Variants in NT5C3A observed in about 807,000 individuals in gnomAD.
NT5C3A encodes cytosolic 5'-nucleotidase 3A.
Under a neutral mutation model 40.0 loss-of-function variants are expected in NT5C3A, and 23 were observed. The ratio of observed to expected loss-of-function variants is 0.58; its 90% CI spans 0.41 to 0.81. The LOEUF (loss-of-function observed/expected upper bound fraction) is 0.81, where lower values mean the gene tolerates loss of function less well. NT5C3A is among the 40% of genes least tolerant of loss of function. The probability of loss-of-function intolerance (pLI) is 0.00; values close to 1 mark genes in which losing one functional copy is unlikely to be tolerated. For synonymous variants in NT5C3A, 130 were observed against 141.4 expected (o/e 0.92, Z 0.57); for missense variants, 328 against 403.0 (o/e 0.81, Z 1.59).
rs370564340 is a variant in NT5C3A at position 33,049,894 on chromosome 7, C to T, written c.138+12674G>A. ...CTGAGGCGAGAGAATGGCGTGAACCCGGGAGATGGAGCTTGCAGTGAGCCA... is the reference window on the plus strand; with the variant it reads ...CTGAGGCGAGAGAATGGCGTGAACCTGGGAGATGGAGCTTGCAGTGAGCCA... On this transcript the variant is annotated intron_variant, in intron 1 of 8. Transcript: ENST00000610140. Among the ~76,000 whole-genome samples, 33 of 144,996 alleles carry T rather than the reference C, an allele frequency of 2.3e-4. No homozygotes were observed. The East Asian group carries it at 4.8e-3, about 21-fold the overall frequency.
At chr7:33,060,914 A>G (rs983137356) in intron 1 of NT5C3A, among the ~76,000 whole-genome samples, 1 of 152,234 alleles carries the variant, frequency 6.6e-6, no homozygotes, top group Non-Finnish European at 1.5e-5. Flanking sequence ...AGCAGGCTAC[A>G]CATATATTAC....
chr7:33,050,092 CTG>C (rs776717530), intron 1 of NT5C3A, among the ~76,000 whole-genome samples: 7 of 152,120 alleles, frequency 4.6e-5, no homozygotes, highest in Non-Finnish European at 8.8e-5. Flanking sequence ...CGAATGCTGA[CTG>C]TGCTACTTAA....
chr7:33,052,943 T>C (rs566042389), intron 1 of NT5C3A, among the ~76,000 whole-genome samples: 4 of 152,308 alleles, frequency 2.6e-5, no homozygotes, highest in South Asian at 4.1e-4. Context: ...GTACCATTGG[T>C]GTAAAACACT....
At chr7:33,021,444 T>G in intron 4 of NT5C3A, 87 bp from the exon 5 acceptor site, 1 of 1,475,476 alleles carries the variant, frequency 6.8e-7, no homozygotes, top group South Asian at 1.3e-5. Flanking sequence ...TGTAAACAAG[T>G]ATTTTCAACA....
chr7:33,041,553 G>A (rs1786912393), intron 1 of NT5C3A, among the ~76,000 whole-genome samples: 1 of 151,898 alleles, frequency 6.6e-6, no homozygotes, highest in African/African-American at 2.4e-5. Flanking sequence ...ATGCAAATGT[G>A]GTCAAAAAAC....
In NT5C3A at chr7:33,047,538, C is replaced by A. The variant is rs79833875; in HGVS notation, c.138+15030G>T. Among the ~76,000 whole-genome samples the A allele has an allele frequency of 0.01, 1,557 of 151,880 alleles. 58 individuals are homozygous for A. In the East Asian group the frequency reaches 0.14, roughly 13 times the overall value. Reference sequence around the variant, plus strand: ...ATACATTTTTAAATAGTTATGATATCCATGTGATATAATAGCATAAATACA... The same window carrying A: ...ATACATTTTTAAATAGTTATGATATACATGTGATATAATAGCATAAATACA... On this transcript the variant is annotated intron_variant, in intron 1 of 8. Coordinates refer to ENST00000610140, the MANE Select transcript of NT5C3A (RefSeq NM_001002010.5).
At chr7:33,024,550 G>C (rs1785812574) in intron 2 of NT5C3A, among the ~76,000 whole-genome samples, 1 of 152,064 alleles carries the variant, frequency 6.6e-6, no homozygotes, top group South Asian at 2.1e-4. Context: ...CAGAGGCTGG[G>C]AAGGGTGGGA....
chr7:33,038,854 A>C, intron 1 of NT5C3A: 1 of 456,600 alleles, frequency 2.2e-6, no homozygotes, highest in South Asian at 1.5e-5. Flanking sequence ...GCTTCAAGAG[A>C]AGAGTTGCTG....
intron 1 of NT5C3A, among the ~76,000 whole-genome samples, chr7:33,048,157 T>C (rs1315185112): frequency 6.7e-6 from 1 of 149,362 alleles, no homozygotes; most frequent in Admixed American, 6.8e-5. Context: ...TCTTCATTTA[T>C]AGTATTGATA....
At position 33,014,150 on chromosome 7, in the gene NT5C3A, A is replaced by G. The variant is rs1357314518; in HGVS notation, c.*580T>C. 2.3e-6 allele frequency: 1 copy of G among 440,882 alleles called. No homozygotes were observed. Among genetic ancestry groups the G allele is most frequent in the South Asian group, 1.6e-5 (1 of 61,424 alleles). 27.3% of individuals were successfully genotyped at this position (440,882 alleles called of 1,614,324 possible). A position where few individuals can be genotyped will look rare whatever the true frequency, so the allele number is the denominator to read the frequency against. On this transcript the variant is annotated 3_prime_UTR_variant, in exon 9 of 9. Coordinates refer to ENST00000610140, the MANE Select transcript of NT5C3A (RefSeq NM_001002010.5). ...TAGAATTAAAAAGGTTTTGCATTTC[A>G]TATTTATTATCAGTGCTTCAATATA...
chr7:33,041,080 A>G (rs1003254146), intron 1 of NT5C3A: 34 of 985,230 alleles, frequency 3.5e-5, no homozygotes, highest in Non-Finnish European at 4.0e-5. Flanking sequence ...GTCAATCTAC[A>G]TAACATTATC....
intron 1 of NT5C3A, among the ~76,000 whole-genome samples, chr7:33,041,929 T>G (rs1259830540): frequency 6.6e-6 from 1 of 152,196 alleles, no homozygotes; most frequent in African/African-American, 2.4e-5. Context: ...TTCTCTCTAC[T>G]GTCCTCAGAG....
At chr7:33,029,111 G>A (rs1786104468) in intron 1 of NT5C3A, 1 of 152,228 alleles carries the variant, frequency 6.6e-6, no homozygotes, top group Admixed American at 6.5e-5. Flanking sequence ...TAAGTAGGAT[G>A]ACCTGCAATG....
Position 33,029,565 on chromosome 7 carries a change from T to C in NT5C3A, c.139-2650A>G, listed in dbSNP as rs147238690. 1,329 of 836,374 alleles carry C rather than the reference T, an allele frequency of 1.6e-3. 14 individuals are homozygous for C. In the African/African-American group the frequency reaches 0.021, roughly 13 times the overall value. The allele number at this position is 836,374 out of a possible 1,614,324, so 51.8% of individuals were successfully genotyped here. On this transcript the variant is annotated intron_variant, in intron 1 of 8. Coordinates refer to ENST00000610140, the MANE Select transcript of NT5C3A (RefSeq NM_001002010.5). The stretch of plus-strand genomic sequence containing the variant: ...TGGTGAAAGCAACACAGGATATATA[T>C]CATAGACTATTTTTTCACCAAAAAA...
rs114398708 is a variant in NT5C3A, at chr7:33,021,851, C to T, written c.354+202G>A. On this transcript the variant is annotated intron_variant, in intron 4 of 8. Transcript: ENST00000610140. ...AAATATAAGTTTTGTTGTCAAGTTA[C>T]TGTGAATTTTTATCTTTAAAATATG... 538 of 532,748 alleles carry T rather than the reference C, an allele frequency of 1.0e-3. 3 individuals carry two copies. The highest frequency in any genetic ancestry group is 9.8e-3 in the African/African-American group (507 of 51,654). 33.0% of individuals were successfully genotyped at this position (532,748 alleles called of 1,614,324 possible). A position where few individuals can be genotyped will look rare whatever the true frequency, so the allele number is the denominator to read the frequency against.
At chr7:33,041,515 A>G (rs1360410321) in intron 1 of NT5C3A, among the ~76,000 whole-genome samples, 2 of 152,358 alleles carry the variant, frequency 1.3e-5, no homozygotes, top group East Asian at 1.9e-4. Context: ...TAGCTCACTT[A>G]AAGTCCATAA....
chr7:33,054,689 T>C (rs976021296), intron 1 of NT5C3A, among the ~76,000 whole-genome samples: 3 of 152,218 alleles, frequency 2.0e-5, no homozygotes, highest in African/African-American at 7.2e-5. Flanking sequence ...TTTTATAAAA[T>C]ATTTTACACA....
intron 1 of NT5C3A, among the ~76,000 whole-genome samples, chr7:33,031,659 AATT>A (rs1207835360): frequency 2.0e-5 from 3 of 152,128 alleles, no homozygotes; most frequent in Non-Finnish European, 4.4e-5. Context: ...TAAAATAATG[AATT>A]ATTATTCTTA....
chr7:33,015,632 T>C, intron 8 of NT5C3A, 38 bp downstream of exon 8: 1 of 1,346,788 alleles, frequency 7.4e-7, no homozygotes, highest in Non-Finnish European at 1.1e-6. Context: ...TTCATCCTAA[T>C]ATTTTCTTCG....
Sources: gnomAD v4.1 joint callset for allele counts (sites outside exome capture counted in the v4.1 genomes callset) on GRCh38, gnomAD v4.1.1 for gene constraint, MANE v1.5 for transcripts, NCBI Gene and HGNC (gene_info 2026-07-23, HGNC 2026-07-21) for gene names.